Variants in GPR35 observed in about 807,000 individuals in gnomAD.
GPR35 encodes G protein-coupled receptor 35.
For synonymous variants in GPR35, 207 were observed against 198.4 expected (o/e 1.04, Z -0.36); for missense variants, 372 against 422.5 (o/e 0.88, Z 1.05).
chr2:240,616,481 C>A (rs745787890), exon 3 of GPR35: 1 of 780,532 alleles, frequency 1.3e-6, no homozygotes, highest in African/African-American at 1.7e-5. Context: ...CTGTCGACTG[C>A]GAGTCAGCTC....
chr2:240,619,820 T>G (rs1384629324), intron 5 of GPR35, among the ~76,000 whole-genome samples: 1 of 152,070 alleles, frequency 6.6e-6, no homozygotes, highest in African/African-American at 2.4e-5. Context: ...GTGGGGAGCC[T>G]CTGCAGGTTC....
At chr2:240,617,990 C>A (rs1210792279) in intron 4 of GPR35, among the ~76,000 whole-genome samples, 2 of 152,224 alleles carry the variant, frequency 1.3e-5, no homozygotes, top group Admixed American at 1.3e-4. Context: ...TACTTAGAGA[C>A]CACAGTCTGG....
intron 1 of GPR35, chr2:240,628,560 T>C (rs1311830423): frequency 6.6e-6 from 1 of 152,268 alleles, no homozygotes; most frequent in Non-Finnish European, 1.5e-5. Flanking sequence ...CCTCATGGAC[T>C]GGGGACCTGG....
In GPR35 at chr2:240,626,827, G is replaced by A. The variant is rs188207810; in HGVS notation, c.-5+1259G>A. Among the ~76,000 whole-genome samples the A allele has an allele frequency of 2.2e-4, 33 of 152,276 alleles. No homozygotes were observed. In the East Asian group the frequency reaches 6.2e-3, roughly 29 times the overall value. On this transcript the variant is annotated intron_variant, in intron 1 of 1. Transcript: ENST00000407714. ...GTGGTCTCAATCCCAGGCCAGCCAG[G>A]CACTCTGGGGTCTGGGCGGGTCCCG...
intron 2 of GPR35, among the ~76,000 whole-genome samples, chr2:240,613,265 G>A (rs1166858495): frequency 6.6e-6 from 1 of 152,168 alleles, no homozygotes; most frequent in East Asian, 1.9e-4. Context: ...GATGAGGAGT[G>A]AGCAGAGAGG....
At chr2:240,622,457 G>A (rs192479937), upstream of GPR35, among the ~76,000 whole-genome samples, 6 of 152,286 alleles carry the variant, frequency 3.9e-5, no homozygotes, top group South Asian at 2.1e-4. Flanking sequence ...TGGCTTCCCC[G>A]GGCCGCATTG....
Position 240,632,536 on chromosome 2 carries a change from G to T in GPR35, c.*1654G>T, listed in dbSNP as rs2043461422. 1.3e-5 allele frequency among the ~76,000 whole-genome samples: 2 copies of T among 150,988 alleles called. No individual in the cohort carries two copies. The highest frequency in any genetic ancestry group is 2.4e-5 in the African/African-American group (1 of 41,008). On this transcript the variant is annotated 3_prime_UTR_variant, in exon 2 of 2. Coordinates refer to ENST00000407714, the MANE Select transcript of GPR35 (RefSeq NM_005301.5). Reference sequence around the variant, plus strand: ...TCAAGGAGGTTCCATGCCCAGGAGGGTCCATGCTGAGGTGGGTCCATGCCC... The same window carrying T: ...TCAAGGAGGTTCCATGCCCAGGAGGTTCCATGCTGAGGTGGGTCCATGCCC...
chr2:240,622,860 C>T (rs865784160), upstream of GPR35, among the ~76,000 whole-genome samples: 64 of 152,290 alleles, frequency 4.2e-4, no homozygotes, highest in Middle Eastern at 0.01. Flanking sequence ...GGGCGGAGGG[C>T]CCCGGGCAGT....
At chr2:240,606,861 T>C (rs1446506143) in intron 2 of GPR35, among the ~76,000 whole-genome samples, 1 of 152,180 alleles carries the variant, frequency 6.6e-6, no homozygotes, top group East Asian at 1.9e-4. Flanking sequence ...TCCTGGGCAA[T>C]TGGGAGCCAC....
intron 1 of GPR35, chr2:240,605,607 C>T (rs2043124933): frequency 6.6e-6 from 1 of 152,356 alleles, no homozygotes; most frequent in Non-Finnish European, 1.5e-5. Flanking sequence ...GAGCGGTAGT[C>T]AGGGAGAGGG....
Position 240,607,641 on chromosome 2 carries a change from G to C in GPR35, c.-577+1029G>C, listed in dbSNP as rs567629777. The stretch of plus-strand genomic sequence containing the variant: ...TTTATTTTCCAATTGTTTTTTGCTA[G>C]TATATAGAAGTGCATTTTTTGGTAT... On this transcript the variant is annotated intron_variant, in intron 2 of 5. Coordinates refer to the GPR35 transcript ENST00000319838. The C allele has an allele frequency of 2.6e-5, 4 of 152,234 alleles. No individual in the cohort carries two copies. In the South Asian group the frequency reaches 8.3e-4, roughly 32 times the overall value. 9.4% of individuals were successfully genotyped at this position (152,234 alleles called of 1,614,324 possible). A position where few individuals can be genotyped will look rare whatever the true frequency, so the allele number is the denominator to read the frequency against.
chr2:240,616,493 G>T (rs370914706), exon 3 of GPR35: 2 of 780,414 alleles, frequency 2.6e-6, no homozygotes, highest in Non-Finnish European at 4.8e-6. Context: ...AGTCAGCTCC[G>T]ATACTTCACC....
chr2:240,611,191 C>T (rs2043179754), intron 2 of GPR35, among the ~76,000 whole-genome samples: 1 of 151,924 alleles, frequency 6.6e-6, no homozygotes, highest in Non-Finnish European at 1.5e-5. Context: ...TGGTCTCGAA[C>T]TCCTGACCCC....
chr2:240,630,080 G>T lies in GPR35; in HGVS notation c.128G>T (p.Trp43Leu). The T allele has an allele frequency of 6.2e-7, 1 of 1,611,198 alleles. No individual in the cohort carries two copies. The highest frequency in any genetic ancestry group is 8.5e-7 in the Non-Finnish European group (1 of 1,179,944). ...CTGCTGCTCAACAGCCTGGCGCTCTGGGTGTTCTGCTGCCGCATGCAGCAG... is the reference window on the plus strand; with the variant it reads ...CTGCTGCTCAACAGCCTGGCGCTCTTGGTGTTCTGCTGCCGCATGCAGCAG... ...LGLLLNSLAL[W>L]VFCCRMQQWT... Residue 43 changes from tryptophan (W) to leucine (L), a missense_variant, in exon 2 of 2, where the codon TGG becomes TTG. Coordinates refer to ENST00000407714, the MANE Select transcript of GPR35 (RefSeq NM_005301.5).
In GPR35 at chr2:240,633,085, A is replaced by G. The variant is rs540503940; in HGVS notation, c.*2203A>G. Among the ~76,000 whole-genome samples the G allele has an allele frequency of 2.6e-5, 4 of 152,300 alleles. No homozygotes were observed. The highest frequency in any genetic ancestry group is 2.6e-4 in the Admixed American group (4 of 15,292). On this transcript the variant is annotated 3_prime_UTR_variant, in exon 2 of 2. Coordinates refer to ENST00000407714, the MANE Select transcript of GPR35 (RefSeq NM_005301.5). Reference sequence around the variant, plus strand: ...CCTTGCTTCCCCTTCACCTTCTGCCATGATTGTAAGTTTCCTGAGGCCTCC... The same window carrying G: ...CCTTGCTTCCCCTTCACCTTCTGCCGTGATTGTAAGTTTCCTGAGGCCTCC...
rs776108893 is a variant in GPR35 at position 240,617,016 on chromosome 2, C to A, written c.-452-74C>A. The A allele has an allele frequency of 6.6e-6, 5 of 756,944 alleles. No individual in the cohort carries two copies. The East Asian group carries it at 1.2e-4, about 19-fold the overall frequency. 46.9% of individuals were successfully genotyped at this position (756,944 alleles called of 1,614,324 possible). On this transcript the variant is annotated intron_variant, in intron 3 of 5. Coordinates refer to the GPR35 transcript ENST00000319838. ...GGAAGTGAATCTCATCTTAGCTGAG[C>A]CTTCTGATGAGACTGCAGCCCCAGC...
upstream of GPR35, among the ~76,000 whole-genome samples, chr2:240,622,514 C>A (rs1478959653): frequency 6.6e-6 from 1 of 152,230 alleles, no homozygotes; most frequent in Non-Finnish European, 1.5e-5. Flanking sequence ...CACTAACACT[C>A]ACGATAGCTG....
intron 2 of GPR35, chr2:240,616,366 C>T (rs773797137): frequency 9.3e-6 from 7 of 750,394 alleles, no homozygotes; most frequent in African/African-American, 5.2e-5. Context: ...CTTCCTCCTC[C>T]GTCTCTCTAT....
At chr2:240,622,358 G>A (rs1056693412), upstream of GPR35, among the ~76,000 whole-genome samples, 28 of 152,250 alleles carry the variant, frequency 1.8e-4, no homozygotes, top group Middle Eastern at 3.4e-3. Context: ...GGAGCTGAAC[G>A]TAAACGGCTT....
Sources: allele counts gnomAD v4.1 joint callset (sites outside exome capture counted in the v4.1 genomes callset), GRCh38; gene constraint gnomAD v4.1.1; transcripts MANE v1.5; gene names NCBI Gene and HGNC (gene_info 2026-07-23, HGNC 2026-07-21).